DPH6: variants seen among roughly 807,000 people sequenced by gnomAD.
The protein encoded by DPH6 is diphthine--ammonia ligase.
In DPH6, 33 loss-of-function variants were observed where a neutral mutation model predicts 38.2. The ratio of observed to expected loss-of-function variants is 0.86; its 90% CI spans 0.65 to 1.15. The LOEUF is 1.15. DPH6 is among the 50% of genes most tolerant of loss of function. The pLI, the probability that DPH6 is intolerant of heterozygous loss-of-function variation, is 0.00. For synonymous variants in DPH6, 108 were observed against 103.0 expected (o/e 1.05, Z -0.30); for missense variants, 325 against 320.0 (o/e 1.02, Z -0.12).
chr15:35,150,400 T>G, the DPH6 span, among the ~76,000 whole-genome samples: 4 of 152,214 alleles, frequency 2.6e-5, no homozygotes, highest in African/African-American at 9.6e-5. Context: ...ACAGTAAGAA[T>G]TTATATGAAC....
chr15:35,381,933 A>G lies in DPH6; in HGVS notation c.568-17T>C, dbSNP rs758151005. 6.3e-7 allele frequency: 1 copy of G among 1,580,814 alleles called. No homozygotes were observed. The highest frequency in any genetic ancestry group is 1.1e-5 in the South Asian group (1 of 88,594). ...CTTAGAAAGCTGAAAATAGGAAAAC[A>G]CAAAAAACAAGAAAGAAGTTTAAAA... is the stretch of plus-strand genomic sequence containing the variant. On this transcript the variant is annotated splice_polypyrimidine_tract_variant and intron_variant, in intron 6 of 8. Transcript: ENST00000256538.
intron 5 of DPH6, among the ~76,000 whole-genome samples, chr15:35,415,165 G>C (rs781215149): frequency 1.3e-5 from 2 of 151,868 alleles, no homozygotes; most frequent in Non-Finnish European, 2.9e-5. Flanking sequence ...TGACTGCCAT[G>C]GGTTTGGGAA....
chr15:35,413,429 T>C (rs2053394827), intron 5 of DPH6, among the ~76,000 whole-genome samples: 1 of 151,608 alleles, frequency 6.6e-6, no homozygotes, highest in South Asian at 2.1e-4. Context: ...CTTACAATTC[T>C]GTCATTTTTC....
chr15:35,293,074 T>C (rs906597644), intron 3 of DPH6, among the ~76,000 whole-genome samples: 1 of 152,122 alleles, frequency 6.6e-6, no homozygotes, highest in African/African-American at 2.4e-5. Context: ...GCATGAACCA[T>C]TAGCAAGAAA....
At chr15:35,217,040 C>A (rs1265863151), downstream of DPH6, among the ~76,000 whole-genome samples, 1 of 152,106 alleles carries the variant, frequency 6.6e-6, no homozygotes, top group African/African-American at 2.4e-5. Context: ...TCCTTAAAAT[C>A]TAACTCATGG....
intron 3 of DPH6, among the ~76,000 whole-genome samples, chr15:35,270,342 G>T (rs576838134): frequency 6.6e-6 from 1 of 152,176 alleles, no homozygotes; most frequent in Admixed American, 6.5e-5. Context: ...GGAGTGCATC[G>T]GTTCTGCTGA....
chr15:35,373,444 A>G (rs1432846763), intron 8 of DPH6, 77 bp downstream of exon 8: 1 of 1,261,286 alleles, frequency 7.9e-7, no homozygotes, highest in East Asian at 2.7e-5. Context: ...ATCTGTTGTT[A>G]CAGAATTATA....
At chr15:35,424,959 T>C (rs2053550127) in intron 5 of DPH6, among the ~76,000 whole-genome samples, 1 of 151,634 alleles carries the variant, frequency 6.6e-6, no homozygotes, top group Admixed American at 6.6e-5. Flanking sequence ...GATTACAGCC[T>C]CCTTCAGACC....
intron 3 of DPH6, among the ~76,000 whole-genome samples, chr15:35,512,501 A>C (rs2054788765): frequency 6.6e-6 from 1 of 152,122 alleles, no homozygotes; most frequent in South Asian, 2.1e-4. Context: ...CTGGTCATCG[A>C]TCTACTTTAG....
At chr15:35,542,377 C>T in intron 2 of DPH6, 36 bp downstream of exon 2, 1 of 1,492,224 alleles carries the variant, frequency 6.7e-7, no homozygotes, top group Non-Finnish European at 9.2e-7. Context: ...GAATTTCATT[C>T]ATTTAGGCAA....
At chr15:35,361,466 A>G (rs1028650376) in intron 3 of DPH6, among the ~76,000 whole-genome samples, 10 of 149,578 alleles carry the variant, frequency 6.7e-5, no homozygotes, top group Admixed American at 6.6e-4. Context: ...TATCTACATC[A>G]TTTCTCAGAT....
intron 3 of DPH6, among the ~76,000 whole-genome samples, chr15:35,320,422 G>A (rs2052229715): frequency 6.6e-6 from 1 of 152,242 alleles, no homozygotes; most frequent in East Asian, 1.9e-4. Flanking sequence ...GGGCCCATAA[G>A]TCAGGGGAGA....
the DPH6 span, among the ~76,000 whole-genome samples, chr15:35,179,204 CAAAAAAAAA>C: frequency 2.0e-5 from 1 of 50,592 alleles, no homozygotes; most frequent in African/African-American, 7.9e-5. Context: ...ACAACTCTGT[CAAAAAAAAA>C]AAAAAAAAAA....
chr15:35,353,273 CTTTAG>C (rs1431549649), intron 3 of DPH6, among the ~76,000 whole-genome samples: 2 of 152,126 alleles, frequency 1.3e-5, no homozygotes, highest in African/African-American at 4.8e-5. Flanking sequence ...TGCAGAAGCT[CTTTAG>C]TTTAATTAGA....
chr15:35,483,916 G>A (rs774151846), intron 3 of DPH6, among the ~76,000 whole-genome samples: 25 of 152,208 alleles, frequency 1.6e-4, no homozygotes, highest in Non-Finnish European at 2.9e-4. Flanking sequence ...TTAAATGAAT[G>A]CAGCCAGCTA....
intron 3 of DPH6, among the ~76,000 whole-genome samples, chr15:35,257,257 T>C (rs1206765940): frequency 6.6e-6 from 1 of 152,154 alleles, no homozygotes; most frequent in Non-Finnish European, 1.5e-5. Flanking sequence ...ATGTAACATC[T>C]CTGGGAAAAA....
the DPH6 span, among the ~76,000 whole-genome samples, chr15:35,209,510 G>C: frequency 2.0e-5 from 3 of 152,108 alleles, no homozygotes; most frequent in Non-Finnish European, 4.4e-5. Flanking sequence ...GAAAAAATGT[G>C]GTCCTTTTTA....
At chr15:35,428,990 T>C (rs1249231525) in intron 5 of DPH6, among the ~76,000 whole-genome samples, 3 of 152,184 alleles carry the variant, frequency 2.0e-5, no homozygotes, top group Admixed American at 6.5e-5. Context: ...TCTGAAGATA[T>C]GTTGCTAATA....
Position 35,233,801 on chromosome 15 carries a change from A to T in DPH6, n.201-13219T>A, listed in dbSNP as rs866158443. Among the ~76,000 whole-genome samples, 34 of 152,284 alleles carry T rather than the reference A, an allele frequency of 2.2e-4. 1 individual carries two copies. Among genetic ancestry groups the T allele is most frequent in the African/African-American group, 6.5e-4 (27 of 41,548 alleles). The stretch of plus-strand genomic sequence containing the variant: ...CTCTATTCTCTAATGTACTGAGTTT[A>T]TTCCTACTTCTTGCAGTCGTACTTA... On this transcript the variant is annotated intron_variant and non_coding_transcript_variant, in intron 3 of 3. Transcript: ENST00000560386.
Sources: allele counts gnomAD v4.1 joint callset (sites outside exome capture counted in the v4.1 genomes callset), GRCh38; gene constraint gnomAD v4.1.1; transcripts MANE v1.5; gene names NCBI Gene and HGNC (gene_info 2026-07-23, HGNC 2026-07-21).